The following DDR2 variants were observed in gnomAD, a reference collection of about 807,000 sequenced individuals.
DDR2 encodes the protein discoidin domain-containing receptor 2.
In DDR2, 27 loss-of-function variants were observed where a neutral mutation model predicts 94.9. That is an observed-to-expected ratio of 0.28 (90% confidence interval 0.21 to 0.39). The LOEUF (loss-of-function observed/expected upper bound fraction) is 0.39. Among genes scored for constraint, DDR2 ranks in the 10% least tolerant of loss-of-function variants. The probability of loss-of-function intolerance (pLI) is 1.00; values close to 1 mark genes in which losing one functional copy is unlikely to be tolerated. For missense variants in DDR2, 783 were observed against 1,076.0 expected, an observed-to-expected ratio of 0.73 and a Z score of 3.81; for synonymous variants, 382 against 377.2, an observed-to-expected ratio of 1.01 and a Z score of -0.15.
At chr1:162,696,519 G>T (rs1312435621) in intron 2 of DDR2, among the ~76,000 whole-genome samples, 1 of 151,722 alleles carries the variant, frequency 6.6e-6, no homozygotes, top group Non-Finnish European at 1.5e-5. Flanking sequence ...CCAGGCTCCT[G>T]CCTGTTTCAG....
intron 2 of DDR2, among the ~76,000 whole-genome samples, chr1:162,713,034 G>A (rs1010298555): frequency 6.6e-6 from 1 of 152,138 alleles, no homozygotes; most frequent in African/African-American, 2.4e-5. Context: ...AAGTGACTTA[G>A]GGCCGTACTT....
intron 9 of DDR2, 144 bp from the exon 10 acceptor site, chr1:162,765,857 C>T (rs552708673): frequency 6.7e-5 from 52 of 775,110 alleles, no homozygotes; most frequent in Middle Eastern, 2.3e-4. Flanking sequence ...TTTTATTCAA[C>T]GTATTTATGA....
intron 2 of DDR2, among the ~76,000 whole-genome samples, chr1:162,659,450 G>T (rs763096853): frequency 2.4e-4 from 37 of 152,238 alleles, no homozygotes; most frequent in Non-Finnish European, 2.5e-4. Flanking sequence ...ACTGTGCTGG[G>T]CATGTGGAGT....
At chr1:162,687,227 G>C (rs540126385) in intron 2 of DDR2, among the ~76,000 whole-genome samples, 3 of 152,342 alleles carry the variant, frequency 2.0e-5, no homozygotes, top group African/African-American at 7.2e-5. Flanking sequence ...GAAGAAAGAG[G>C]AGGCAAGGCA....
intron 1 of DDR2, among the ~76,000 whole-genome samples, chr1:162,635,853 C>T (rs1021998393): frequency 2.6e-5 from 4 of 152,152 alleles, no homozygotes; most frequent in Non-Finnish European, 5.9e-5. Context: ...AATTAAGTAC[C>T]TCTGCTGATA....
At chr1:162,644,602 C>CT (rs11320844) in intron 1 of DDR2, among the ~76,000 whole-genome samples, 3 of 140,506 alleles carry the variant, frequency 2.1e-5, no homozygotes, top group African/African-American at 5.2e-5. Flanking sequence ...CATTATTTAC[C>CT]TTTTTTTTTT....
At chr1:162,753,016 A>G (rs774542279) in intron 3 of DDR2, 79 bp from the exon 4 acceptor site, 456 of 1,214,758 alleles carry the variant, frequency 3.8e-4, no homozygotes, top group Non-Finnish European at 4.9e-4. Flanking sequence ...TTCAATATTC[A>G]GTGATATTCT....
At chr1:162,704,560 G>T (rs1372702370) in intron 2 of DDR2, among the ~76,000 whole-genome samples, 1 of 152,174 alleles carries the variant, frequency 6.6e-6, no homozygotes, top group Non-Finnish European at 1.5e-5. Flanking sequence ...CCAAGATCAA[G>T]GTGCTGGCAG....
chr1:162,654,563 G>T (rs534526382), intron 1 of DDR2, among the ~76,000 whole-genome samples: 28 of 152,290 alleles, frequency 1.8e-4, no homozygotes, highest in African/African-American at 6.7e-4. Flanking sequence ...CTGATAATTA[G>T]TTATATCTGA....
chr1:162,743,227 A>T (rs758552968), intron 3 of DDR2, among the ~76,000 whole-genome samples: 7 of 151,966 alleles, frequency 4.6e-5, no homozygotes, highest in Non-Finnish European at 1.0e-4. Context: ...CCTTGGTATG[A>T]TACAAGCAGA....
intron 2 of DDR2, among the ~76,000 whole-genome samples, chr1:162,710,507 T>C (rs73024554): frequency 0.011 from 1,632 of 152,328 alleles, 29 homozygotes; most frequent in East Asian, 0.035. Flanking sequence ...TTTCTGTGTA[T>C]GTGTTTGAGG....
At chr1:162,657,315 C>T (rs948037626) in intron 2 of DDR2, among the ~76,000 whole-genome samples, 2 of 152,120 alleles carry the variant, frequency 1.3e-5, no homozygotes, top group East Asian at 1.9e-4. Context: ...TTCTGGTCAC[C>T]AATTCAGGCT....
intron 3 of DDR2, among the ~76,000 whole-genome samples, chr1:162,748,099 G>A (rs548114673): frequency 2.6e-5 from 4 of 152,264 alleles, no homozygotes; most frequent in South Asian, 4.1e-4. Context: ...CAACTAATGA[G>A]CAAAATAACC....
chr1:162,763,336 CTTTTTTTTTTTTTTTTT>C (rs56323242), intron 9 of DDR2, among the ~76,000 whole-genome samples: 3 of 56,542 alleles, frequency 5.3e-5, no homozygotes, highest in African/African-American at 1.5e-4. Flanking sequence ...CCACGCCCGG[CTTTTTTTTTTTTTTTTT>C]TTTTTTTTTT....
chr1:162,710,827 T>C (rs1284307916), intron 2 of DDR2, among the ~76,000 whole-genome samples: 1 of 151,926 alleles, frequency 6.6e-6, no homozygotes, highest in South Asian at 2.1e-4. Flanking sequence ...CCTCAGTCCC[T>C]TTATCTCTTT....
rs1648020516 is a variant in DDR2 at position 162,783,599 on chromosome 1, T to A, written c.*3353T>A. 1 of 152,142 alleles carries A rather than the reference T, an allele frequency of 6.6e-6. No individual in the cohort carries two copies. Among genetic ancestry groups the A allele is most frequent in the Admixed American group, 6.6e-5 (1 of 15,266 alleles). The allele number at this position is 152,142 out of a possible 1,614,324, so 9.4% of individuals were successfully genotyped here. A position where few individuals can be genotyped will look rare whatever the true frequency, so the allele number is the denominator to read the frequency against. On this transcript the variant is annotated 3_prime_UTR_variant, in exon 18 of 18. Coordinates refer to ENST00000367921, the MANE Select transcript of DDR2 (RefSeq NM_006182.4). ...GGAGTTTTGAAAGGGAATAGGAAAG[T>A]AAGTGTCTTGAAGTAAAAGATAAAT...
chr1:162,775,713 C>T lies in DDR2; in HGVS notation c.1918C>T (p.Leu640=), dbSNP rs1320809280. The T allele has an allele frequency of 1.2e-6, 2 of 1,614,022 alleles. No individual in the cohort carries two copies. The highest frequency in any genetic ancestry group is 1.3e-5 in the African/African-American group (1 of 74,930). The change falls in exon 15 of 18, where the codon CTA becomes TTA. Residue 640 remains leucine (L), a synonymous_variant. Transcript: ENST00000367921. ...SRLKDPNIIH[L]LAVCITDDPL... ...GCTCAAGGACCCAAACATCATCCAT[C>T]TATTAGCTGTGTGTATCACTGATGA...
chr1:162,691,202 C>T (rs1659947463), intron 2 of DDR2, among the ~76,000 whole-genome samples: 1 of 152,158 alleles, frequency 6.6e-6, no homozygotes, highest in Admixed American at 6.5e-5. Context: ...GCTGCTATTA[C>T]TCTGTGAATC....
chr1:162,646,583 G>A (rs966998725), intron 1 of DDR2, among the ~76,000 whole-genome samples: 1 of 152,066 alleles, frequency 6.6e-6, no homozygotes, highest in Non-Finnish European at 1.5e-5. Flanking sequence ...TCATTGCAAC[G>A]CCCAAGCCTT....
Sources: allele counts gnomAD v4.1 joint callset (sites outside exome capture counted in the v4.1 genomes callset), GRCh38; gene constraint gnomAD v4.1.1; transcripts MANE v1.5; gene names NCBI Gene and HGNC (gene_info 2026-07-23, HGNC 2026-07-21).